The following PRKN variants were observed in gnomAD, a reference collection of about 807,000 sequenced individuals.
PRKN encodes E3 ubiquitin-protein ligase parkin.
In PRKN, 56 loss-of-function variants were observed where a neutral mutation model predicts 59.5. The observed-to-expected ratio is 0.94, with a 90% CI of 0.76 to 1.18. PRKN has a LOEUF of 1.18. Among genes scored for constraint, PRKN ranks in the 50% most tolerant of loss-of-function variants. The pLI is 0.00. For missense variants in PRKN, 657 were observed against 596.4 expected (o/e 1.10, Z -1.06); for synonymous variants, 250 against 222.1 (o/e 1.13, Z -1.12).
intron 7 of PRKN, among the ~76,000 whole-genome samples, chr6:161,570,257 T>C (rs910840882): frequency 6.8e-6 from 1 of 146,050 alleles, no homozygotes; most frequent in African/African-American, 2.5e-5. Context: ...TATATTTTTA[T>C]ATAACTCACA....
At chr6:162,164,916 T>C (rs994572994) in intron 4 of PRKN, among the ~76,000 whole-genome samples, 3 of 148,790 alleles carry the variant, frequency 2.0e-5, no homozygotes, top group Admixed American at 2.0e-4. Context: ...CTCTGGAAAT[T>C]CCAAATCTTT....
chr6:161,506,176 T>C (rs1250861666), intron 9 of PRKN, among the ~76,000 whole-genome samples: 4 of 151,966 alleles, frequency 2.6e-5, no homozygotes, highest in Non-Finnish European at 5.9e-5. Context: ...TGTTCTTCCA[T>C]TTGTTTGTAT....
intron 6 of PRKN, among the ~76,000 whole-genome samples, chr6:161,869,883 T>C (rs1794275518): frequency 6.6e-6 from 1 of 151,542 alleles, no homozygotes; most frequent in South Asian, 2.1e-4. Context: ...CAGGACAAAC[T>C]AGCTACATGT....
At chr6:162,153,496 T>C (rs1238604166) in intron 4 of PRKN, among the ~76,000 whole-genome samples, 1 of 152,176 alleles carries the variant, frequency 6.6e-6, no homozygotes, top group African/African-American at 2.4e-5. Flanking sequence ...CTTTGCCTCA[T>C]GGAGTGCAGT....
At position 161,377,968 on chromosome 6, in the gene PRKN, C is replaced by CA. The variant is rs1785795758; in HGVS notation, c.1167+8825dup. 6.6e-6 allele frequency among the ~76,000 whole-genome samples: 1 copy of CA among 152,090 alleles called. No homozygotes were observed. Among genetic ancestry groups the CA allele is most frequent in the Non-Finnish European group, 1.5e-5 (1 of 68,030 alleles). On this transcript the variant is annotated intron_variant, in intron 10 of 11. Transcript: ENST00000366898. The surrounding 1 kb of genome is among the most constrained non-coding windows in gnomAD (Gnocchi z 4.2). ...TCTACGGTATTGAGTGACAGCAGCC[C>CA]AAACAGATGAGGCAGCAGCTGACAG...
intron 6 of PRKN, among the ~76,000 whole-genome samples, chr6:161,919,397 G>C (rs1175308110): frequency 2.0e-5 from 3 of 152,064 alleles, no homozygotes; most frequent in Non-Finnish European, 4.4e-5. Context: ...AACTTTTTAG[G>C]GTTTATTTTT....
intron 6 of PRKN, among the ~76,000 whole-genome samples, chr6:161,915,673 A>C (rs908916882): frequency 3.3e-5 from 5 of 152,202 alleles, no homozygotes; most frequent in African/African-American, 1.2e-4. Flanking sequence ...CATGCCAATC[A>C]GTTTGTGGAT....
At chr6:162,400,795 C>T (rs570047666) in intron 2 of PRKN, among the ~76,000 whole-genome samples, 2 of 152,106 alleles carry the variant, frequency 1.3e-5, no homozygotes, top group South Asian at 2.1e-4. Flanking sequence ...ACAGTCATTT[C>T]CTTGAAGAGA....
At chr6:162,137,475 G>T (rs1455676512) in intron 4 of PRKN, among the ~76,000 whole-genome samples, 1 of 152,180 alleles carries the variant, frequency 6.6e-6, no homozygotes, top group African/African-American at 2.4e-5. Flanking sequence ...ACTATAAGCA[G>T]CTAGAAAAAT....
intron 5 of PRKN, among the ~76,000 whole-genome samples, chr6:162,010,255 TA>T (rs1404947121): frequency 5.6e-5 from 7 of 124,406 alleles, no homozygotes; most frequent in Non-Finnish European, 1.0e-4. Flanking sequence ...TTATACATAA[TA>T]TATATTTTAT....
intron 1 of PRKN, among the ~76,000 whole-genome samples, chr6:162,676,691 C>G (rs537376941): frequency 6.6e-6 from 1 of 152,114 alleles, no homozygotes; most frequent in East Asian, 1.9e-4. Context: ...AAGTTACTGA[C>G]AACAGAATGT....
chr6:162,215,554 G>T (rs1406862244), intron 3 of PRKN, among the ~76,000 whole-genome samples: 3 of 152,130 alleles, frequency 2.0e-5, no homozygotes, highest in Non-Finnish European at 2.9e-5. Context: ...ATGTAAATTG[G>T]TTATAAATCT....
chr6:161,816,008 C>T (rs1298928077), intron 6 of PRKN, among the ~76,000 whole-genome samples: 2 of 152,108 alleles, frequency 1.3e-5, no homozygotes, highest in Non-Finnish European at 2.9e-5. Flanking sequence ...AATTTCTAAC[C>T]AATGCAGAGA....
chr6:162,107,375 G>A (rs1348195536), intron 4 of PRKN, among the ~76,000 whole-genome samples: 1 of 152,192 alleles, frequency 6.6e-6, no homozygotes, highest in East Asian at 1.9e-4. Flanking sequence ...TGAGGCAGGA[G>A]TATCGCATGA....
At chr6:161,770,424 A>G (rs1789615771) in intron 7 of PRKN, among the ~76,000 whole-genome samples, 2 of 152,014 alleles carry the variant, frequency 1.3e-5, no homozygotes, top group Admixed American at 6.6e-5. Context: ...CCAGTTCCTC[A>G]GGATGTGACT....
At chr6:162,473,052 C>T (rs1165615937) in intron 1 of PRKN, among the ~76,000 whole-genome samples, 3 of 151,782 alleles carry the variant, frequency 2.0e-5, no homozygotes. Flanking sequence ...ATGGTTAAAC[C>T]TATTCTCTCC....
At chr6:162,339,319 C>A (rs1158348361) in intron 2 of PRKN, among the ~76,000 whole-genome samples, 1 of 146,432 alleles carries the variant, frequency 6.8e-6, no homozygotes, top group Non-Finnish European at 1.5e-5. Context: ...CCCGGCCAGC[C>A]GCGCCGTCTG....
At chr6:161,995,689 A>G (rs187026023) in intron 5 of PRKN, among the ~76,000 whole-genome samples, 486 of 152,296 alleles carry the variant, frequency 3.2e-3, no homozygotes, top group South Asian at 0.013. Flanking sequence ...AGGAAATGCA[A>G]GTCCAAACAG....
intron 6 of PRKN, among the ~76,000 whole-genome samples, chr6:161,849,715 T>A (rs1793347410): frequency 3.3e-5 from 5 of 152,224 alleles, no homozygotes; most frequent in Non-Finnish European, 7.3e-5. Flanking sequence ...GTGAACAGAA[T>A]TCAATTCGAA....
Sources: gnomAD v4.1 joint callset for allele counts (sites outside exome capture counted in the v4.1 genomes callset) on GRCh38, gnomAD v4.1.1 for gene constraint, Gnocchi (gnomAD v3.1) non-coding constraint, MANE v1.5 for transcripts, NCBI Gene and HGNC (gene_info 2026-07-23, HGNC 2026-07-21) for gene names.